EPS15L1: variants seen among roughly 807,000 people sequenced by gnomAD.
EPS15L1 encodes the protein epidermal growth factor receptor substrate 15-like 1.
A neutral mutation model predicts 117.1 loss-of-function variants in EPS15L1; 43 were observed. That is an observed-to-expected ratio of 0.37 (90% confidence interval 0.29 to 0.47). EPS15L1 has a LOEUF of 0.47. Among genes scored for constraint, EPS15L1 ranks in the 20% least tolerant of loss-of-function variants. The pLI, the probability that EPS15L1 is intolerant of heterozygous loss-of-function variation, is 0.99. For synonymous variants in EPS15L1, 459 were observed against 470.5 expected (o/e 0.98, Z 0.32); for missense variants, 981 against 1,164.0 (o/e 0.84, Z 2.29).
intron 9 of EPS15L1, among the ~76,000 whole-genome samples, chr19:16,424,727 C>G (rs2092852110): frequency 6.6e-6 from 1 of 152,024 alleles, no homozygotes. Flanking sequence ...GTGGCGCGCT[C>G]TCAGCTCACT....
At chr19:16,451,391 T>C (rs2093140778) in intron 1 of EPS15L1, among the ~76,000 whole-genome samples, 1 of 152,242 alleles carries the variant, frequency 6.6e-6, no homozygotes, top group Admixed American at 6.5e-5. Context: ...TATGGTCTTG[T>C]TATCAGATAA....
Position 16,365,209 on chromosome 19 carries a change from G to A in EPS15L1, c.2381-3225C>T, listed in dbSNP as rs573001724. ...CCTGGAAGACGGTGTGGGGCATGGCGGCCACCCCCCTCAGCCTGTTTCTTA... is the reference window on the plus strand; with the variant it reads ...CCTGGAAGACGGTGTGGGGCATGGCAGCCACCCCCCTCAGCCTGTTTCTTA... On this transcript the variant is annotated intron_variant, in intron 22 of 23. Transcript: ENST00000455140. The surrounding 1 kb of genome is among the most constrained non-coding windows in gnomAD (Gnocchi z 4.9). Among the ~76,000 whole-genome samples the A allele has an allele frequency of 1.6e-4, 25 of 152,324 alleles. No individual in the cohort carries two copies. The South Asian group carries it at 3.9e-3, about 24-fold the overall frequency.
chr19:16,457,177 T>C (rs1428325128), intron 1 of EPS15L1, among the ~76,000 whole-genome samples: 1 of 152,162 alleles, frequency 6.6e-6, no homozygotes, highest in African/African-American at 2.4e-5. Context: ...ACGAATGTGT[T>C]TCCTTGGGAT....
rs181219192 is a variant in EPS15L1, at chr19:16,368,253, G to A, written c.2381-6269C>T. On this transcript the variant is annotated intron_variant, in intron 22 of 23. Transcript: ENST00000455140. ...AACCATCATTGATCCTACACAATGG[G>A]ACACACACACACAAGCATCACTGAT... 7.9e-5 allele frequency among the ~76,000 whole-genome samples: 12 copies of A among 151,782 alleles called. No homozygotes were observed. The East Asian group carries it at 2.3e-3, about 29-fold the overall frequency.
chr19:16,428,714 A>C lies in EPS15L1; in HGVS notation c.546T>G (p.Asp182Glu). The change falls in exon 8 of 24, where the codon GAT becomes GAG. Residue 182 changes from aspartate (D) to glutamate (E), a missense_variant. Asp to Glu is a conservative substitution (Grantham distance 45, BLOSUM62 2). Transcript: ENST00000455140. ...DIDKDGHLDR[D>E]EFAVAMHLVY... ...CAGCAGGACTTACCACAGCGAACTCATCTCGATCCAAGTGCCCATCCTTGT... is the reference window on the plus strand; with the variant it reads ...CAGCAGGACTTACCACAGCGAACTCCTCTCGATCCAAGTGCCCATCCTTGT... The C allele has an allele frequency of 5.0e-6, 8 of 1,611,484 alleles. No individual in the cohort carries two copies. Among genetic ancestry groups the C allele is most frequent in the Non-Finnish European group, 6.8e-6 (8 of 1,179,050 alleles).
At chr19:16,450,085 C>CA (rs375434776) in intron 1 of EPS15L1, among the ~76,000 whole-genome samples, 15,840 of 122,954 alleles carry the variant, frequency 0.13, 922 homozygotes, top group Admixed American at 0.17. Context: ...CCTATCTCTA[C>CA]AAAAAAAAAA....
At chr19:16,443,370 C>G (rs2093051412) in intron 1 of EPS15L1, 1 of 152,196 alleles carries the variant, frequency 6.6e-6, no homozygotes, top group Non-Finnish European at 1.5e-5. Flanking sequence ...AATACGCACC[C>G]ACCACTTGCA....
intron 1 of EPS15L1, among the ~76,000 whole-genome samples, chr19:16,464,156 T>G (rs1047312415): frequency 6.6e-6 from 1 of 152,226 alleles, no homozygotes; most frequent in Non-Finnish European, 1.5e-5. Flanking sequence ...TTATCAGGTC[T>G]ACATTCCACA....
chr19:16,407,997 C>T (rs954014436), intron 13 of EPS15L1, among the ~76,000 whole-genome samples: 12 of 152,094 alleles, frequency 7.9e-5, no homozygotes, highest in African/African-American at 2.9e-4. Context: ...ATAACTGAAA[C>T]AGAGTTAGTT....
At chr19:16,435,644 G>A (rs916206730) in intron 6 of EPS15L1, among the ~76,000 whole-genome samples, 1 of 149,924 alleles carries the variant, frequency 6.7e-6, no homozygotes, top group African/African-American at 2.5e-5. Flanking sequence ...GCTGAGCGCT[G>A]CAGGTCTTTC....
At chr19:16,361,060 G>T (rs8113386) in intron 23 of EPS15L1, among the ~76,000 whole-genome samples, 1 of 151,906 alleles carries the variant, frequency 6.6e-6, no homozygotes, top group Non-Finnish European at 1.5e-5. Context: ...TTGAAGCGAC[G>T]GCATGTTACA....
chr19:16,427,352 G>C (rs534587824), intron 8 of EPS15L1, among the ~76,000 whole-genome samples: 1 of 152,162 alleles, frequency 6.6e-6, no homozygotes, highest in South Asian at 2.1e-4. Flanking sequence ...GGGACCACAG[G>C]GTTTCAGTTC....
In EPS15L1 at chr19:16,459,477, G is replaced by T. The variant is rs531922667; in HGVS notation, c.33+12436C>A. ...TTGAGGGCATGGGTGAGATTAAAGTGTTGAGGGAGGCAGGTGGTGGGCTGA... is the reference window on the plus strand; with the variant it reads ...TTGAGGGCATGGGTGAGATTAAAGTTTTGAGGGAGGCAGGTGGTGGGCTGA... On this transcript the variant is annotated intron_variant, in intron 1 of 23. Coordinates refer to ENST00000455140, the MANE Select transcript of EPS15L1 (RefSeq NM_001258374.3). 3.9e-5 allele frequency among the ~76,000 whole-genome samples: 6 copies of T among 152,316 alleles called. No individual in the cohort carries two copies. In the East Asian group the frequency reaches 7.7e-4, roughly 20 times the overall value.
chr19:16,421,271 G>T (rs1182474666), intron 10 of EPS15L1, 48 bp downstream of exon 10: 1 of 1,563,878 alleles, frequency 6.4e-7, no homozygotes, highest in South Asian at 1.2e-5. Flanking sequence ...TCACCCACAG[G>T]CCCCCTGGAG....
At chr19:16,423,858 T>C (rs1265684034) in intron 9 of EPS15L1, among the ~76,000 whole-genome samples, 1 of 152,222 alleles carries the variant, frequency 6.6e-6, no homozygotes, top group Admixed American at 6.5e-5. Context: ...AGGGGGGTTC[T>C]GTGTCCCACG....
chr19:16,448,880 G>T (rs1031592191), intron 1 of EPS15L1, among the ~76,000 whole-genome samples: 1 of 151,836 alleles, frequency 6.6e-6, no homozygotes, highest in Non-Finnish European at 1.5e-5. Flanking sequence ...AGACTAGAAA[G>T]AAAGGTTTGC....
intron 7 of EPS15L1, among the ~76,000 whole-genome samples, chr19:16,433,867 G>A (rs2092953003): frequency 6.6e-6 from 1 of 152,086 alleles, no homozygotes. Context: ...GGAGGTTGAG[G>A]CATGAGAATT....
At chr19:16,426,041 G>A (rs1158126489) in intron 8 of EPS15L1, among the ~76,000 whole-genome samples, 3 of 152,214 alleles carry the variant, frequency 2.0e-5, no homozygotes. Flanking sequence ...TGAGAGTCAT[G>A]GGTGTTGACC....
chr19:16,385,445 G>C (rs2092410440), intron 20 of EPS15L1, among the ~76,000 whole-genome samples: 1 of 152,164 alleles, frequency 6.6e-6, no homozygotes, highest in African/African-American at 2.4e-5. Flanking sequence ...CATCATTCAC[G>C]GTCATCAGAA....
Sources: allele counts gnomAD v4.1 joint callset (sites outside exome capture counted in the v4.1 genomes callset), GRCh38; gene constraint gnomAD v4.1.1; non-coding constraint Gnocchi (gnomAD v3.1); transcripts MANE v1.5; gene names NCBI Gene and HGNC (gene_info 2026-07-23, HGNC 2026-07-21).